SOX5: variants seen among roughly 807,000 people sequenced by gnomAD.
SOX5 encodes SRY-box transcription factor 5, also known as transcription factor SOX-5.
A neutral mutation model predicts 92.0 loss-of-function variants in SOX5; 9 were observed. That is an observed-to-expected ratio of 0.10 (90% confidence interval 0.06 to 0.17). SOX5 has a LOEUF of 0.17. Ranked by LOEUF, SOX5 falls within the 10% of genes least tolerant of loss-of-function variation. SOX5 has a pLI of 1.00. For synonymous variants in SOX5, 344 were observed against 336.3 expected, an observed-to-expected ratio of 1.02 and a Z score of -0.25; for missense variants, 642 against 944.5, an observed-to-expected ratio of 0.68 and a Z score of 4.20.
rs1175798388 is a variant in SOX5, at chr12:23,577,191, ATT to A, written c.1165-1355_1165-1354del. Among the ~76,000 whole-genome samples the A allele has an allele frequency of 1.8e-3, 111 of 61,400 alleles. 3 individuals carry two copies. The South Asian group carries it at 0.021, about 12-fold the overall frequency. The allele number at this position is 61,400 out of a possible 152,430, so 40.3% of individuals were successfully genotyped here. The stretch of plus-strand genomic sequence containing the variant: ...CACACACACACATATATATATATAT[ATT>A]TTTTTTTTTTTTTTTTTTTGAGATG... On this transcript the variant is annotated intron_variant, in intron 9 of 14. Coordinates refer to ENST00000451604, the MANE Select transcript of SOX5 (RefSeq NM_006940.6).
At chr12:23,665,347 G>A (rs1403189981) in intron 7 of SOX5, 97 bp downstream of exon 7, 9 of 1,295,616 alleles carry the variant, frequency 6.9e-6, no homozygotes, top group Non-Finnish European at 1.0e-5. Context: ...AATGCTATAT[G>A]GGTGATCTCA....
At chr12:24,134,534 T>C (rs7316524) in intron 4 of SOX5, among the ~76,000 whole-genome samples, 136,926 of 152,258 alleles carry the variant, frequency 0.9, 61,918 homozygotes, top group Non-Finnish European at 0.95. Flanking sequence ...TTATAACACA[T>C]GCACACACAC....
intron 2 of SOX5, among the ~76,000 whole-genome samples, chr12:24,353,606 G>A (rs1033144654): frequency 2.0e-5 from 3 of 151,804 alleles, no homozygotes; most frequent in Non-Finnish European, 4.4e-5. Context: ...TGGGGGTGGG[G>A]GTCTTCCTGC....
chr12:23,864,843 G>A (rs2096794105), intron 2 of SOX5, among the ~76,000 whole-genome samples: 1 of 152,198 alleles, frequency 6.6e-6, no homozygotes, highest in African/African-American at 2.4e-5. Context: ...ACCTAGCTAA[G>A]ATAATTGATG....
intron 1 of SOX5, among the ~76,000 whole-genome samples, chr12:24,500,987 T>G (rs1011821917): frequency 2.0e-5 from 3 of 152,172 alleles, no homozygotes; most frequent in African/African-American, 7.2e-5. Flanking sequence ...GGATGTGCTG[T>G]GTATGAAAGA....
At chr12:24,492,161 C>T (rs12819842) in intron 1 of SOX5, among the ~76,000 whole-genome samples, 13,157 of 152,154 alleles carry the variant, frequency 0.086, 661 homozygotes, top group South Asian at 0.15. Flanking sequence ...CGCCTGTTAG[C>T]TTTGTACCTT....
At chr12:24,312,047 T>C (rs1383219506) in intron 2 of SOX5, among the ~76,000 whole-genome samples, 1 of 152,144 alleles carries the variant, frequency 6.6e-6, no homozygotes, top group Non-Finnish European at 1.5e-5. Context: ...GTTGAGAAAT[T>C]AAGGCCTTTG....
At chr12:23,586,055 A>G (rs746516652) in intron 9 of SOX5, among the ~76,000 whole-genome samples, 3 of 152,046 alleles carry the variant, frequency 2.0e-5, no homozygotes, top group Non-Finnish European at 4.4e-5. Flanking sequence ...CCGCTTGAAC[A>G]TCCCCTTCCT....
chr12:24,387,272 C>A (rs957356161), intron 1 of SOX5, among the ~76,000 whole-genome samples: 7 of 152,220 alleles, frequency 4.6e-5, no homozygotes, highest in African/African-American at 7.2e-5. Context: ...CCCTGTAGAT[C>A]AAGCTTGTCC....
intron 4 of SOX5, among the ~76,000 whole-genome samples, chr12:24,103,637 A>G (rs946846388): frequency 9.9e-5 from 15 of 152,158 alleles, no homozygotes; most frequent in African/African-American, 3.6e-4. Flanking sequence ...CTGAATTCAC[A>G]CTTGAACTGA....
intron 2 of SOX5, among the ~76,000 whole-genome samples, chr12:23,855,666 A>C (rs768667677): frequency 1.3e-5 from 2 of 152,106 alleles, no homozygotes; most frequent in Admixed American, 1.3e-4. Flanking sequence ...GAAAAATATG[A>C]AACAACAATA....
intron 9 of SOX5, among the ~76,000 whole-genome samples, chr12:23,595,419 G>C (rs1952223531): frequency 1.3e-5 from 2 of 151,936 alleles, no homozygotes; most frequent in Non-Finnish European, 2.9e-5. Flanking sequence ...TCAGAAGATT[G>C]AGACCATCCT....
chr12:23,950,920 C>A, upstream of SOX5: 2 of 1,528,478 alleles, frequency 1.3e-6, no homozygotes, highest in South Asian at 2.4e-5. Flanking sequence ...AGCATCTGGT[C>A]AGGGAGTAAG....
intron 6 of SOX5, among the ~76,000 whole-genome samples, chr12:23,683,383 A>G (rs968887654): frequency 6.6e-6 from 1 of 151,932 alleles, no homozygotes; most frequent in African/African-American, 2.4e-5. Context: ...ACTTCGGTTC[A>G]TGTTCTTGAA....
intron 4 of SOX5, among the ~76,000 whole-genome samples, chr12:23,999,177 T>TGTGC (rs1569452779): frequency 2.1e-5 from 3 of 139,890 alleles, no homozygotes; most frequent in Non-Finnish European, 4.6e-5. Context: ...TGTGTGTGTG[T>TGTGC]ACCATTGCTT....
chr12:23,534,771 G>A (rs1273558829), intron 14 of SOX5, among the ~76,000 whole-genome samples: 5 of 143,126 alleles, frequency 3.5e-5, no homozygotes, highest in Middle Eastern at 3.5e-3. Context: ...GTGCAATGGC[G>A]TGATCTTGCC....
At chr12:24,537,499 C>T (rs543368639) in intron 1 of SOX5, among the ~76,000 whole-genome samples, 4 of 152,138 alleles carry the variant, frequency 2.6e-5, no homozygotes, top group Non-Finnish European at 4.4e-5. Context: ...TGTTGAATCC[C>T]GTCAACTGCA....
chr12:24,214,403 C>T (rs944143801), intron 3 of SOX5, among the ~76,000 whole-genome samples: 3 of 151,966 alleles, frequency 2.0e-5, no homozygotes, highest in Non-Finnish European at 4.4e-5. Flanking sequence ...TTGTCATGAA[C>T]CCCAAATCTA....
At chr12:24,359,794 T>TA (rs1339746798) in intron 2 of SOX5, among the ~76,000 whole-genome samples, 1 of 152,210 alleles carries the variant, frequency 6.6e-6, no homozygotes. Context: ...ATACCCTACC[T>TA]ACTCTTGACC....
Sources: allele counts gnomAD v4.1 joint callset (sites outside exome capture counted in the v4.1 genomes callset), GRCh38; gene constraint gnomAD v4.1.1; transcripts MANE v1.5; gene names NCBI Gene and HGNC (gene_info 2026-07-23, HGNC 2026-07-21).